The following PALLD variants were observed in gnomAD, a reference collection of about 807,000 sequenced individuals.
PALLD encodes the protein palladin.
PALLD carries 61 observed loss-of-function variants against 123.5 expected under a neutral mutation model. That is an observed-to-expected ratio of 0.49 (90% CI 0.40 to 0.61). The LOEUF (loss-of-function observed/expected upper bound fraction) is 0.61. Ranked by LOEUF, PALLD falls within the 20% of genes least tolerant of loss-of-function variation. PALLD has a pLI of 0.00. For missense variants in PALLD, 1,273 were observed against 1,377.0 expected, an observed-to-expected ratio of 0.92 and a Z score of 1.20; for synonymous variants, 465 against 496.4, an observed-to-expected ratio of 0.94 and a Z score of 0.84.
At chr4:168,761,618 G>A (rs372644135) in intron 10 of PALLD, among the ~76,000 whole-genome samples, 153 of 121,528 alleles carry the variant, frequency 1.3e-3, no homozygotes, top group African/African-American at 2.7e-3. Flanking sequence ...ACACCACCAC[G>A]CCCAGCTATT....
intron 10 of PALLD, among the ~76,000 whole-genome samples, chr4:168,731,157 C>T (rs1325859657): frequency 6.6e-6 from 1 of 152,138 alleles, no homozygotes; most frequent in East Asian, 1.9e-4. Flanking sequence ...TTGGGTTTTC[C>T]TCTCCTGATA....
At chr4:168,623,411 T>G (rs1774945294) in intron 2 of PALLD, among the ~76,000 whole-genome samples, 1 of 152,252 alleles carries the variant, frequency 6.6e-6, no homozygotes. Flanking sequence ...GAAATATCAC[T>G]TTAATGCTCA....
chr4:168,580,419 A>G (rs914263195), intron 2 of PALLD, among the ~76,000 whole-genome samples: 2 of 152,106 alleles, frequency 1.3e-5, no homozygotes, highest in African/African-American at 4.8e-5. Context: ...TCAAAACCAC[A>G]GTGAGATACC....
chr4:168,610,983 T>G (rs1175080199), intron 2 of PALLD, among the ~76,000 whole-genome samples: 1 of 152,168 alleles, frequency 6.6e-6, no homozygotes, highest in East Asian at 1.9e-4. Flanking sequence ...CAAATCTGTC[T>G]CCCACCTACT....
rs1455090575 is a variant in PALLD at position 168,878,409 on chromosome 4, C to T, written c.1965-12513C>T. On this transcript the variant is annotated intron_variant, in intron 10 of 21. Transcript: ENST00000505667. ...GTCACCCCCGCGTGAGTAACCGCCG[C>T]GGTCCTCCACTTCCCTGCCCCTCCG... 15 of 1,466,636 alleles carry T rather than the reference C, an allele frequency of 1.0e-5. No individual in the cohort carries two copies. The highest frequency in any genetic ancestry group is 1.4e-5 in the African/African-American group (1 of 69,016). The allele number at this position is 1,466,636 out of a possible 1,614,324, so 90.9% of individuals were successfully genotyped here. A position where few individuals can be genotyped will look rare whatever the true frequency, so the allele number is the denominator to read the frequency against.
intron 10 of PALLD, among the ~76,000 whole-genome samples, chr4:168,727,766 AC>A (rs1479252390): frequency 6.6e-6 from 1 of 152,100 alleles, no homozygotes; most frequent in African/African-American, 2.4e-5. Context: ...TGGAAACTTC[AC>A]CAAAAATGAT....
At chr4:168,865,025 C>T (rs913406915) in intron 10 of PALLD, among the ~76,000 whole-genome samples, 5 of 152,150 alleles carry the variant, frequency 3.3e-5, no homozygotes, top group Non-Finnish European at 7.3e-5. Flanking sequence ...AATTTATTTT[C>T]GTGGTTTTAG....
chr4:168,752,256 C>T (rs1470294185), intron 10 of PALLD, among the ~76,000 whole-genome samples: 1 of 152,246 alleles, frequency 6.6e-6, no homozygotes, highest in Non-Finnish European at 1.5e-5. Flanking sequence ...CGCCTGTAGT[C>T]CCAGCTACTC....
intron 2 of PALLD, among the ~76,000 whole-genome samples, chr4:168,548,564 G>C (rs930181135): frequency 6.6e-6 from 1 of 152,168 alleles, no homozygotes; most frequent in African/African-American, 2.4e-5. Context: ...TGAGAGATGA[G>C]AGAGTCTGGC....
intron 10 of PALLD, among the ~76,000 whole-genome samples, chr4:168,816,865 T>A (rs1742042393): frequency 1.2e-5 from 1 of 82,274 alleles, no homozygotes; most frequent in African/African-American, 4.9e-5. Flanking sequence ...TGTGTGTGTG[T>A]GTGTGTGTAG....
chr4:168,753,129 A>G (rs1300510216), intron 10 of PALLD, among the ~76,000 whole-genome samples: 3 of 152,200 alleles, frequency 2.0e-5, no homozygotes. Context: ...GAGGAAATAT[A>G]GCAACCACCT....
At chr4:168,849,307 TG>T (rs1747388954) in intron 10 of PALLD, among the ~76,000 whole-genome samples, 1 of 152,256 alleles carries the variant, frequency 6.6e-6, no homozygotes, top group Admixed American at 6.5e-5. Context: ...TTATGTTGTT[TG>T]GATGTTTTGT....
chr4:168,658,855 A>G (rs1048603337), intron 2 of PALLD, among the ~76,000 whole-genome samples: 3 of 152,224 alleles, frequency 2.0e-5, no homozygotes, highest in African/African-American at 7.2e-5. Flanking sequence ...CAAAAAGCCA[A>G]TCTATTTATT....
chr4:168,659,786 G>A (rs1778951961), intron 2 of PALLD, among the ~76,000 whole-genome samples: 1 of 152,110 alleles, frequency 6.6e-6, no homozygotes, highest in South Asian at 2.1e-4. Context: ...AAAATACAGT[G>A]CACAGAGAAT....
intron 10 of PALLD, among the ~76,000 whole-genome samples, chr4:168,803,193 T>C (rs368025822): frequency 2.0e-5 from 3 of 152,098 alleles, no homozygotes; most frequent in African/African-American, 4.8e-5. Flanking sequence ...ACAGGAAGCA[T>C]GGCTGCGTGG....
intron 8 of PALLD, among the ~76,000 whole-genome samples, chr4:168,696,621 C>G (rs77718265): frequency 1.4e-3 from 218 of 150,890 alleles, no homozygotes; most frequent in African/African-American, 5.2e-3. Flanking sequence ...CAAAAACAAA[C>G]AAACAAAATC....
chr4:168,579,090 A>C (rs1323964491), intron 2 of PALLD, among the ~76,000 whole-genome samples: 1 of 152,150 alleles, frequency 6.6e-6, no homozygotes, highest in Non-Finnish European at 1.5e-5. Flanking sequence ...AATAAGCTTC[A>C]GCTCTGTAAT....
chr4:168,557,278 A>C (rs980049103), intron 2 of PALLD, among the ~76,000 whole-genome samples: 1 of 152,114 alleles, frequency 6.6e-6, no homozygotes, highest in Non-Finnish European at 1.5e-5. Context: ...TCGTGACCTC[A>C]GGTGATCTGC....
chr4:168,794,232 G>A (rs62334305), intron 10 of PALLD, among the ~76,000 whole-genome samples: 20,053 of 152,102 alleles, frequency 0.13, 1,599 homozygotes, highest in Non-Finnish European at 0.18. Context: ...GGCCTGAGGC[G>A]AAACTCCTGC....
Sources: allele counts gnomAD v4.1 joint callset (sites outside exome capture counted in the v4.1 genomes callset), GRCh38; gene constraint gnomAD v4.1.1; transcripts MANE v1.5; gene names NCBI Gene and HGNC (gene_info 2026-07-23, HGNC 2026-07-21).